The following SPINK5 variants were observed in gnomAD, a reference collection of about 807,000 sequenced individuals.
SPINK5 encodes serine peptidase inhibitor Kazal type 5, also known as serine protease inhibitor Kazal-type 5.
In SPINK5, 125 loss-of-function variants were observed where a neutral mutation model predicts 151.8. The ratio of observed to expected loss-of-function variants is 0.82; its 90% CI spans 0.71 to 0.96. SPINK5 has a LOEUF of 0.96. Among genes scored for constraint, SPINK5 ranks in the 40% least tolerant of loss-of-function variants. The probability of loss-of-function intolerance (pLI) is 0.00; values close to 1 mark genes in which losing one functional copy is unlikely to be tolerated. For synonymous variants in SPINK5, 374 were observed against 395.3 expected (o/e 0.95, Z 0.64); for missense variants, 1,194 against 1,291.9 (o/e 0.92, Z 1.16).
chr5:148,122,978 G>A (rs113621166), intron 26 of SPINK5, among the ~76,000 whole-genome samples: 2,891 of 147,970 alleles, frequency 0.02, 89 homozygotes, highest in African/African-American at 0.068. Context: ...GGCTTTTGAA[G>A]TAGACTTATG....
In SPINK5 at chr5:148,116,385, G is replaced by A; in HGVS notation, c.2031G>A (p.Glu677=). ...TAATTTCCAGCCAGAAAGAAAATGA[G>A]GAAAGAAAGAGGAAAGAAGAGGAAG... ...MCKAVFQKEN[E]ERKRKEEEDQ... The change falls in exon 22 of 33, where the codon GAG becomes GAA. Residue 677 remains glutamate, a synonymous_variant. Transcript: ENST00000256084. 1.2e-6 allele frequency: 2 copies of A among 1,614,040 alleles called. No individual in the cohort carries two copies. The highest frequency in any genetic ancestry group is 1.7e-6 in the Non-Finnish European group (2 of 1,179,954).
At chr5:148,128,723 C>T (rs1754497770) in intron 30 of SPINK5, among the ~76,000 whole-genome samples, 1 of 152,078 alleles carries the variant, frequency 6.6e-6, no homozygotes. Context: ...CGGGGTTTCA[C>T]TGTGTTAGCC....
chr5:148,082,899 G>A lies in SPINK5; in HGVS notation c.283-3506G>A, dbSNP rs1388595313. Among the ~76,000 whole-genome samples, 2 of 13,806 alleles carry A rather than the reference G, an allele frequency of 1.4e-4. 1 individual carries two copies. Among genetic ancestry groups the A allele is most frequent in the Non-Finnish European group, 2.1e-4 (2 of 9,360 alleles). The allele number at this position is 13,806 out of a possible 152,430, so 9.1% of individuals were successfully genotyped here. ...GCTGGGATTACAGGCGTGAGCCACC[G>A]CGCCCGGCCTATATATTCTTAAAAA... is the stretch of plus-strand genomic sequence containing the variant. On this transcript the variant is annotated intron_variant, in intron 4 of 32. Coordinates refer to ENST00000256084, the MANE Select transcript of SPINK5 (RefSeq NM_006846.4).
At chr5:148,124,101 A>G (rs112870418) in intron 27 of SPINK5, 141 bp downstream of exon 27, 25 of 1,020,354 alleles carry the variant, frequency 2.5e-5, no homozygotes, top group Middle Eastern at 3.0e-4. Flanking sequence ...GACAATTTCC[A>G]AAGCACTTTC....
chr5:148,120,566 G>A (rs1314645759), intron 26 of SPINK5, among the ~76,000 whole-genome samples, 175 bp downstream of exon 26: 1 of 152,150 alleles, frequency 6.6e-6, no homozygotes, highest in Non-Finnish European at 1.5e-5. Flanking sequence ...AGTTCCCCAG[G>A]AGTGACTCTG....
intron 18 of SPINK5, among the ~76,000 whole-genome samples, chr5:148,111,256 C>T (rs1274877213): frequency 1.3e-5 from 2 of 152,036 alleles, no homozygotes; most frequent in Non-Finnish European, 2.9e-5. Context: ...ATCTCCCTCT[C>T]ACTCTGTCTT....
intron 7 of SPINK5, among the ~76,000 whole-genome samples, chr5:148,090,208 A>G (rs144891706): frequency 9.1e-4 from 139 of 152,002 alleles, no homozygotes; most frequent in Admixed American, 1.6e-3. Flanking sequence ...GCTGTTAAAC[A>G]AGGTTTAGAC....
At chr5:148,112,680 A>AAACCAAC (rs1753971631) in intron 19 of SPINK5, among the ~76,000 whole-genome samples, 188 bp from the exon 20 acceptor site, 1 of 149,764 alleles carries the variant, frequency 6.7e-6, no homozygotes, top group Non-Finnish European at 1.5e-5. Context: ...TCAAAAAAAA[A>AAACCAAC]CCAAAAAACA....
chr5:148,098,590 T>A (rs566418408), intron 11 of SPINK5, among the ~76,000 whole-genome samples: 34 of 152,252 alleles, frequency 2.2e-4, no homozygotes, highest in African/African-American at 8.2e-4. Context: ...ATCAGTTAAC[T>A]GTACATACTG....
rs1754628231 is a variant in SPINK5, at chr5:148,133,738, A to AT, written c.3096-55dup. On this transcript the variant is annotated intron_variant, in intron 31 of 32. Coordinates refer to ENST00000256084, the MANE Select transcript of SPINK5 (RefSeq NM_006846.4). ...GTGTCCTGCATGTTGGTCCTTATTTATTTTCTTATTATAACTGAGAACTTC... is the reference window on the plus strand; with the variant it reads ...GTGTCCTGCATGTTGGTCCTTATTTATTTTTCTTATTATAACTGAGAACTTC... 4 of 1,564,032 alleles carry AT rather than the reference A, an allele frequency of 2.6e-6. No individual in the cohort carries two copies. In the South Asian group the frequency reaches 4.4e-5, roughly 17 times the overall value.
At chr5:148,074,497 C>T (rs562446403) in intron 4 of SPINK5, among the ~76,000 whole-genome samples, 10 of 150,952 alleles carry the variant, frequency 6.6e-5, no homozygotes, top group South Asian at 4.2e-4. Context: ...TAAGTTCACA[C>T]GAGTCTGTGT....
At chr5:148,120,241 A>C in intron 25 of SPINK5, 54 bp from the exon 26 acceptor site, 1 of 1,608,168 alleles carries the variant, frequency 6.2e-7, no homozygotes, top group East Asian at 2.2e-5. Context: ...AGATCTGGTA[A>C]TTAATGAGGC....
chr5:148,077,032 A>G (rs559107772), intron 4 of SPINK5, among the ~76,000 whole-genome samples: 32 of 151,690 alleles, frequency 2.1e-4, no homozygotes, highest in African/African-American at 7.7e-4. Context: ...GAGGTGAGAG[A>G]AAAAGGAATA....
intron 4 of SPINK5, among the ~76,000 whole-genome samples, chr5:148,077,259 G>A (rs1752907851): frequency 6.7e-6 from 1 of 150,360 alleles, no homozygotes; most frequent in Non-Finnish European, 1.5e-5. Context: ...TATACAGGCT[G>A]TATACAATTA....
intron 9 of SPINK5, among the ~76,000 whole-genome samples, chr5:148,094,860 C>G (rs1753414423): frequency 6.6e-6 from 1 of 151,958 alleles, no homozygotes; most frequent in African/African-American, 2.4e-5. Flanking sequence ...GTTGATGCAA[C>G]ACTCTCAGAT....
intron 8 of SPINK5, among the ~76,000 whole-genome samples, chr5:148,092,800 A>G (rs1390199821): frequency 1.3e-5 from 2 of 151,958 alleles, no homozygotes; most frequent in African/African-American, 2.4e-5. Flanking sequence ...GGTTTGGAGC[A>G]CATCCATTGC....
intron 28 of SPINK5, 152 bp downstream of exon 28, chr5:148,124,989 A>T: frequency 8.3e-7 from 1 of 1,203,094 alleles, no homozygotes; most frequent in South Asian, 2.4e-5. Context: ...TCATAACAAG[A>T]TTTTTGGGGG....
chr5:148,124,738 C>T (rs561949236), intron 27 of SPINK5, 27 bp from the exon 28 acceptor site: 2 of 1,458,600 alleles, frequency 1.4e-6, no homozygotes, highest in African/African-American at 1.6e-5. Flanking sequence ...AAAAATTACC[C>T]TATCTTTTTT....
At chr5:148,072,343 G>A in intron 4 of SPINK5, 123 bp downstream of exon 4, 1 of 1,010,626 alleles carries the variant, frequency 9.9e-7, no homozygotes, top group East Asian at 2.6e-5. Flanking sequence ...TAGGAGGGAG[G>A]GAACATGGGT....
Sources: allele counts gnomAD v4.1 joint callset (sites outside exome capture counted in the v4.1 genomes callset), GRCh38; gene constraint gnomAD v4.1.1; transcripts MANE v1.5; gene names NCBI Gene and HGNC (gene_info 2026-07-23, HGNC 2026-07-21).